Variants in SLC1A7 observed in about 807,000 individuals in gnomAD.
SLC1A7 encodes solute carrier family 1 member 7.
A neutral mutation model predicts 47.7 loss-of-function variants in SLC1A7; 40 were observed. The ratio of observed to expected loss-of-function variants is 0.84; its 90% CI spans 0.65 to 1.09. The LOEUF is 1.09. Ranked by LOEUF, SLC1A7 falls within the 50% of genes least tolerant of loss-of-function variation. The pLI is 0.00. For synonymous variants in SLC1A7, 323 were observed against 325.6 expected, an observed-to-expected ratio of 0.99 and a Z score of 0.09; for missense variants, 746 against 769.5, an observed-to-expected ratio of 0.97 and a Z score of 0.36.
At chr1:53,138,452 T>C (rs1645022093) in intron 1 of SLC1A7, among the ~76,000 whole-genome samples, 1 of 152,088 alleles carries the variant, frequency 6.6e-6, no homozygotes, top group Non-Finnish European at 1.5e-5. Flanking sequence ...AATTTTCTTA[T>C]ATTTTCTTTT....
At position 53,117,236 on chromosome 1, in the gene SLC1A7, C is replaced by T. The variant is rs149034764; in HGVS notation, c.216-2263G>A. Among the ~76,000 whole-genome samples, 210 of 152,160 alleles carry T rather than the reference C, an allele frequency of 1.4e-3. 4 individuals are homozygous for T. The highest frequency in any genetic ancestry group is 4.6e-3 in the East Asian group (24 of 5,166). Reference sequence around the variant, plus strand: ...AGACACCGTGCTGTTCGATGTGGCCCGAGCTCAGGTAATATCTGAGGGTTA... The same window carrying T: ...AGACACCGTGCTGTTCGATGTGGCCTGAGCTCAGGTAATATCTGAGGGTTA... On this transcript the variant is annotated intron_variant, in intron 2 of 10. Transcript: ENST00000371494.
chr1:53,112,694 T>C (rs1186213893), intron 3 of SLC1A7, among the ~76,000 whole-genome samples: 1 of 152,188 alleles, frequency 6.6e-6, no homozygotes, highest in African/African-American at 2.4e-5. Flanking sequence ...AGGCCAGCAC[T>C]TCCAATAGGG....
intron 2 of SLC1A7, among the ~76,000 whole-genome samples, chr1:53,116,710 G>A (rs573306139): frequency 1.3e-4 from 20 of 152,256 alleles, no homozygotes; most frequent in African/African-American, 2.6e-4. Context: ...GGGTCCAGCC[G>A]CCTCAGGCCA....
intron 8 of SLC1A7, 89 bp from the exon 9 acceptor site, chr1:53,090,023 G>A (rs746762844): frequency 4.8e-6 from 7 of 1,462,988 alleles, no homozygotes; most frequent in Non-Finnish European, 6.6e-6. Context: ...TGAGTGTCAG[G>A]GCCTCTGGGA....
chr1:53,121,460 A>T (rs1267057063), intron 2 of SLC1A7, among the ~76,000 whole-genome samples: 1 of 152,204 alleles, frequency 6.6e-6, no homozygotes, highest in Non-Finnish European at 1.5e-5. Context: ...CAAGGAGCTG[A>T]ATGTCCTGGG....
At chr1:53,120,589 C>T (rs1392588348) in intron 2 of SLC1A7, among the ~76,000 whole-genome samples, 1 of 152,226 alleles carries the variant, frequency 6.6e-6, no homozygotes, top group Non-Finnish European at 1.5e-5. Flanking sequence ...CCTTCCCCAA[C>T]CCTGGCCCAA....
At chr1:53,123,216 G>A (rs533754101) in intron 2 of SLC1A7, among the ~76,000 whole-genome samples, 297 of 152,240 alleles carry the variant, frequency 2.0e-3, no homozygotes, top group Non-Finnish European at 3.2e-3. Context: ...CACGTGAACT[G>A]AATCCCCCAC....
intron 1 of SLC1A7, among the ~76,000 whole-genome samples, chr1:53,138,026 C>T (rs1475714352): frequency 6.6e-6 from 1 of 152,216 alleles, no homozygotes. Flanking sequence ...TGAGTCCTTA[C>T]ATGAGTAAAA....
intron 5 of SLC1A7, among the ~76,000 whole-genome samples, chr1:53,099,134 G>A (rs762208392): frequency 2.9e-5 from 3 of 104,790 alleles, no homozygotes; most frequent in Non-Finnish European, 5.9e-5. Flanking sequence ...ATACCATCTC[G>A]GTACAGACAC....
chr1:53,090,013 T>G, intron 8 of SLC1A7, 79 bp from the exon 9 acceptor site: 73 of 1,527,900 alleles, frequency 4.8e-5, no homozygotes, highest in Middle Eastern at 1.7e-4. Flanking sequence ...AGGAAGAGGT[T>G]GAGTGTCAGG....
chr1:53,124,585 A>C (rs2150339757), intron 2 of SLC1A7, among the ~76,000 whole-genome samples: 1 of 152,226 alleles, frequency 6.6e-6, no homozygotes, highest in Middle Eastern at 3.4e-3. Context: ...TGACCTCCCA[A>C]GGTGAGGTGC....
intron 1 of SLC1A7, among the ~76,000 whole-genome samples, chr1:53,136,560 T>TATATAATATAAAAACATATATA (rs71044458): frequency 1.2e-5 from 1 of 80,508 alleles, no homozygotes; most frequent in African/African-American, 4.6e-5. Flanking sequence ...TATATAAACA[T>TATATAATATAAAAACATATATA]ATATATAAAC....
chr1:53,100,260 C>T (rs562342887), intron 5 of SLC1A7, among the ~76,000 whole-genome samples: 30 of 151,120 alleles, frequency 2.0e-4, no homozygotes, highest in South Asian at 6.3e-4. Context: ...TCACACGCAC[C>T]GCCTCGGTAC....
At chr1:53,128,566 T>C (rs1343938422) in intron 2 of SLC1A7, among the ~76,000 whole-genome samples, 2 of 142,676 alleles carry the variant, frequency 1.4e-5, no homozygotes, top group African/African-American at 5.2e-5. Flanking sequence ...GCCAGGTGAG[T>C]GCATCATGGA....
At chr1:53,123,397 GCA>G (rs1454750521) in intron 2 of SLC1A7, among the ~76,000 whole-genome samples, 1 of 152,180 alleles carries the variant, frequency 6.6e-6, no homozygotes, top group Non-Finnish European at 1.5e-5. Flanking sequence ...AAGGGCGGCA[GCA>G]CAGTTTTCAA....
intron 4 of SLC1A7, among the ~76,000 whole-genome samples, chr1:53,104,142 C>A (rs1644614220): frequency 6.6e-6 from 1 of 152,202 alleles, no homozygotes; most frequent in Non-Finnish European, 1.5e-5. Context: ...AAAAGGGAGC[C>A]TCCTCTCCCC....
At chr1:53,097,754 GGTACACTCACACACAGCACCTCA>G (rs373852855) in intron 5 of SLC1A7, among the ~76,000 whole-genome samples, 10,989 of 147,826 alleles carry the variant, frequency 0.074, 546 homozygotes, top group East Asian at 0.17. Flanking sequence ...ACAGTGCCTT[GGTACACTCACACACAGCACCTCA>G]GTACACTCAC....
chr1:53,133,499 C>T lies in SLC1A7; in HGVS notation c.215+851G>A, dbSNP rs181997785. On this transcript the variant is annotated intron_variant, in intron 2 of 10. Coordinates refer to ENST00000371494, the MANE Select transcript of SLC1A7 (RefSeq NM_006671.6). Reference sequence around the variant, plus strand: ...GCAGCAGGGAGGCTGGGAGGCAGAACGCATGCAGAGGCTCATCCTCTTTCC... The same window carrying T: ...GCAGCAGGGAGGCTGGGAGGCAGAATGCATGCAGAGGCTCATCCTCTTTCC... Among the ~76,000 whole-genome samples the T allele has an allele frequency of 3.1e-3, 466 of 152,264 alleles. 2 individuals are homozygous for T. The highest frequency in any genetic ancestry group is 0.011 in the African/African-American group (447 of 41,538).
At chr1:53,132,313 G>C (rs1381534446) in intron 2 of SLC1A7, among the ~76,000 whole-genome samples, 4 of 152,010 alleles carry the variant, frequency 2.6e-5, no homozygotes, top group Admixed American at 6.5e-5. Flanking sequence ...TGAGGTGGCG[G>C]TGGAGTCTGG....
Sources: allele counts gnomAD v4.1 joint callset (sites outside exome capture counted in the v4.1 genomes callset), GRCh38; gene constraint gnomAD v4.1.1; transcripts MANE v1.5; gene names NCBI Gene and HGNC (gene_info 2026-07-23, HGNC 2026-07-21).